Variants in FHIT observed in about 807,000 individuals in gnomAD.
The protein encoded by FHIT is fragile histidine triad diadenosine triphosphatase.
Under a neutral mutation model 17.9 loss-of-function variants are expected in FHIT, and 19 were observed. The ratio of observed to expected loss-of-function variants is 1.06; its 90% CI spans 0.74 to 1.56. The LOEUF (loss-of-function observed/expected upper bound fraction) is 1.56. Among genes scored for constraint, FHIT ranks in the 40% most tolerant of loss-of-function variants. The pLI, the probability that FHIT is intolerant of heterozygous loss-of-function variation, is 0.00. For synonymous variants in FHIT, 81 were observed against 69.7 expected (o/e 1.16, Z -0.81); for missense variants, 248 against 189.2 (o/e 1.31, Z -1.82).
intron 5 of FHIT, among the ~76,000 whole-genome samples, chr3:60,354,032 C>A (rs557806115): frequency 6.6e-6 from 1 of 152,008 alleles, no homozygotes; most frequent in East Asian, 1.9e-4. Context: ...TTTTCTATCA[C>A]GATGATGGGC....
At chr3:60,646,740 A>C (rs2107800014) in intron 4 of FHIT, among the ~76,000 whole-genome samples, 1 of 152,344 alleles carries the variant, frequency 6.6e-6, no homozygotes, top group African/African-American at 2.4e-5. Context: ...CGTTACTCAC[A>C]GTGACTGGTT....
chr3:59,881,536 T>C (rs547500355), intron 8 of FHIT, among the ~76,000 whole-genome samples: 1 of 152,244 alleles, frequency 6.6e-6, no homozygotes, highest in East Asian at 1.9e-4. Flanking sequence ...AAAATGCACA[T>C]ACACATAAAT....
intron 5 of FHIT, among the ~76,000 whole-genome samples, chr3:60,195,767 A>G (rs996157882): frequency 6.6e-6 from 1 of 151,178 alleles, no homozygotes; most frequent in East Asian, 2.0e-4. Flanking sequence ...AAGTGACGTA[A>G]CTCAGGAAAG....
At chr3:60,320,021 G>A (rs897712905) in intron 5 of FHIT, among the ~76,000 whole-genome samples, 1 of 152,114 alleles carries the variant, frequency 6.6e-6, no homozygotes, top group African/African-American at 2.4e-5. Context: ...GCGCTCCGTA[G>A]GATGACAACT....
chr3:61,031,467 T>TTGTTACTAGTATA (rs11276347), intron 3 of FHIT, among the ~76,000 whole-genome samples: 24,089 of 152,104 alleles, frequency 0.16, 2,147 homozygotes, highest in African/African-American at 0.23. Flanking sequence ...GTTGATTACT[T>TTGTTACTAGTATA]TATAGAGAGA....
intron 1 of FHIT, among the ~76,000 whole-genome samples, chr3:61,230,912 G>C (rs938342050): frequency 6.6e-6 from 1 of 151,898 alleles, no homozygotes; most frequent in Non-Finnish European, 1.5e-5. Context: ...TTTTTTAAAG[G>C]ACATTTCAGA....
intron 8 of FHIT, among the ~76,000 whole-genome samples, chr3:59,881,791 T>C (rs1441988701): frequency 3.3e-5 from 5 of 152,194 alleles, no homozygotes; most frequent in Non-Finnish European, 7.4e-5. Context: ...TCTAAAGATA[T>C]TTGCTTTGAT....
At chr3:61,182,662 C>T (rs1484091834) in intron 2 of FHIT, among the ~76,000 whole-genome samples, 2 of 152,066 alleles carry the variant, frequency 1.3e-5, no homozygotes, top group Non-Finnish European at 2.9e-5. Flanking sequence ...TCCATCCTGT[C>T]CTATTAATGA....
At chr3:61,128,613 T>C (rs1327605604) in intron 2 of FHIT, among the ~76,000 whole-genome samples, 2 of 152,150 alleles carry the variant, frequency 1.3e-5, no homozygotes, top group East Asian at 1.9e-4. Flanking sequence ...AAAGAAATGA[T>C]TATCCCCCAA....
intron 4 of FHIT, among the ~76,000 whole-genome samples, chr3:60,588,119 G>A (rs1217566900): frequency 4.0e-5 from 6 of 151,838 alleles, no homozygotes; most frequent in Admixed American, 2.6e-4. Flanking sequence ...CATCATTCAC[G>A]TGGACCAAGA....
intron 4 of FHIT, among the ~76,000 whole-genome samples, chr3:60,780,780 G>A (rs1284074508): frequency 2.0e-5 from 3 of 152,124 alleles, no homozygotes; most frequent in Non-Finnish European, 2.9e-5. Flanking sequence ...GGGGGTCCCC[G>A]AAAAACCTCC....
chr3:60,188,298 C>A (rs1008886532), intron 5 of FHIT, among the ~76,000 whole-genome samples: 5 of 148,812 alleles, frequency 3.4e-5, no homozygotes, highest in African/African-American at 5.0e-5. Context: ...TATGTCCCAG[C>A]TTTCTGTTAT....
chr3:59,818,456 T>C (rs927997424), intron 8 of FHIT, among the ~76,000 whole-genome samples: 1 of 152,112 alleles, frequency 6.6e-6, no homozygotes, highest in African/African-American at 2.4e-5. Flanking sequence ...CAAAGGAAGA[T>C]GGTGTTTTTT....
In FHIT at chr3:60,732,370, G is replaced by T. The variant is rs782194169; in HGVS notation, c.-18+89549C>A. The T allele has an allele frequency of 4.0e-5, 33 of 822,258 alleles. No homozygotes were observed. In the Admixed American group the frequency reaches 5.7e-4, roughly 14 times the overall value. 50.9% of individuals were successfully genotyped at this position (822,258 alleles called of 1,614,324 possible). ...AAGATGCCAGTACCTCTATGCTTCA[G>T]GATGAAGTTCTCCTCATCAAATTTC... On this transcript the variant is annotated intron_variant, in intron 4 of 9. Coordinates refer to ENST00000492590, the MANE Select transcript of FHIT (RefSeq NM_002012.4).
chr3:60,921,296 T>A (rs1707266941), intron 3 of FHIT, among the ~76,000 whole-genome samples: 1 of 152,320 alleles, frequency 6.6e-6, no homozygotes, highest in South Asian at 2.1e-4. Flanking sequence ...TGGTATTGTA[T>A]AGCTTTGGTG....
chr3:60,521,450 T>C (rs2035360880), intron 5 of FHIT, among the ~76,000 whole-genome samples: 1 of 152,084 alleles, frequency 6.6e-6, no homozygotes, highest in Non-Finnish European at 1.5e-5. Context: ...GGTTTCACCG[T>C]GTTAGCCAGG....
In FHIT at chr3:60,983,967, A is replaced by G. The variant is rs955206100; in HGVS notation, c.-111+58080T>C. On this transcript the variant is annotated intron_variant, in intron 3 of 9. Coordinates refer to ENST00000492590, the MANE Select transcript of FHIT (RefSeq NM_002012.4). ...CACACCTGAAATGATAAAGACAAAA[A>G]CAGTATAAAGCTAATGAAAATGATG... 2.0e-5 allele frequency among the ~76,000 whole-genome samples: 3 copies of G among 152,216 alleles called. No homozygotes were observed. The East Asian group carries it at 5.8e-4, about 29-fold the overall frequency.
intron 5 of FHIT, among the ~76,000 whole-genome samples, chr3:60,495,821 T>C (rs886965856): frequency 2.6e-5 from 4 of 152,146 alleles, no homozygotes; most frequent in African/African-American, 7.2e-5. Flanking sequence ...AGATACTCTT[T>C]AATCATAGTA....
chr3:59,918,423 G>T (rs1487175805), intron 8 of FHIT, among the ~76,000 whole-genome samples: 1 of 152,068 alleles, frequency 6.6e-6, no homozygotes, highest in Non-Finnish European at 1.5e-5. Context: ...GGGGACAGAG[G>T]ATTAACTATT....
Sources: allele counts gnomAD v4.1 joint callset (sites outside exome capture counted in the v4.1 genomes callset), GRCh38; gene constraint gnomAD v4.1.1; transcripts MANE v1.5; gene names NCBI Gene and HGNC (gene_info 2026-07-23, HGNC 2026-07-21).